IQCM: variants seen among roughly 807,000 people sequenced by gnomAD.
IQCM encodes the protein IQ domain-containing protein M.
IQCM carries 45 observed loss-of-function variants against 57.6 expected under a neutral mutation model. That is an observed-to-expected ratio of 0.78 (90% CI 0.62 to 1.00). The LOEUF is 1.00. Among genes scored for constraint, IQCM ranks in the 50% least tolerant of loss-of-function variants. The probability of loss-of-function intolerance (pLI) is 0.00; values close to 1 mark genes in which losing one functional copy is unlikely to be tolerated. For synonymous variants in IQCM, 148 were observed against 158.9 expected (o/e 0.93, Z 0.51); for missense variants, 468 against 511.6 (o/e 0.91, Z 0.82).
chr4:149,763,145 A>C (rs1283052207), intron 2 of IQCM, among the ~76,000 whole-genome samples: 1 of 151,940 alleles, frequency 6.6e-6, no homozygotes, highest in Non-Finnish European at 1.5e-5. Context: ...TACGGAACTC[A>C]TCATCATCAT....
At chr4:149,594,428 T>C (rs2150017337) in intron 8 of IQCM, among the ~76,000 whole-genome samples, 1 of 152,338 alleles carries the variant, frequency 6.6e-6, no homozygotes, top group South Asian at 2.1e-4. Flanking sequence ...CATTGATTTT[T>C]TGAAGGGCTT....
chr4:149,764,296 G>GA (rs1194199877), intron 2 of IQCM, among the ~76,000 whole-genome samples: 5 of 152,124 alleles, frequency 3.3e-5, no homozygotes, highest in Admixed American at 3.3e-4. Context: ...CCTCCCTAGG[G>GA]ATCTCATCAA....
At chr4:149,473,399 GA>G (rs1739806013) in intron 12 of IQCM, among the ~76,000 whole-genome samples, 1 of 152,160 alleles carries the variant, frequency 6.6e-6, no homozygotes, top group Non-Finnish European at 1.5e-5. Context: ...GGCCATCAGA[GA>G]AATGCATATC....
At position 149,548,578 on chromosome 4, in the gene IQCM, T is replaced by A; in HGVS notation, c.1105A>T (p.Met369Leu). The change falls in exon 12 of 14, where the codon ATG becomes TTG. Residue 369 changes from methionine to leucine, a missense_variant. By Grantham distance (15) the Met-to-Leu change is conservative. Coordinates refer to ENST00000636793, the MANE Select transcript of IQCM (RefSeq NM_001363507.2). ...WMDRKKFYEI[M>L]FAKREDWPKI... is the part of the protein sequence containing the mutation. ...GGCCAATCTTCCCTCTTAGCAAACA[T>A]TATTTCATAGACTAAAAGGACAAAA... 8.2e-7 allele frequency: 1 copy of A among 1,224,238 alleles called. No individual in the cohort carries two copies. Among genetic ancestry groups the A allele is most frequent in the Non-Finnish European group, 1.0e-6 (1 of 980,816 alleles). The allele number at this position is 1,224,238 out of a possible 1,614,324, so 75.8% of individuals were successfully genotyped here.
chr4:149,417,890 C>A (rs919713521), intron 13 of IQCM, among the ~76,000 whole-genome samples: 12 of 145,950 alleles, frequency 8.2e-5, no homozygotes, highest in African/African-American at 3.1e-4. Context: ...AGGAATTTAT[C>A]CACAGCAATT....
chr4:149,571,355 C>T (rs1041341627), intron 9 of IQCM, among the ~76,000 whole-genome samples: 1 of 152,000 alleles, frequency 6.6e-6, no homozygotes, highest in African/African-American at 2.4e-5. Flanking sequence ...ATGGATATAC[C>T]TGGAGGACAT....
At chr4:149,408,285 G>A (rs1733123601) in intron 13 of IQCM, among the ~76,000 whole-genome samples, 1 of 152,096 alleles carries the variant, frequency 6.6e-6, no homozygotes, top group Non-Finnish European at 1.5e-5. Context: ...GTATGAAATA[G>A]GTGATTATCA....
Position 149,699,926 on chromosome 4 carries a change from CT to C in IQCM, c.386-13459del, listed in dbSNP as rs754630108. Among the ~76,000 whole-genome samples, 222 of 152,012 alleles carry C rather than the reference CT, an allele frequency of 1.5e-3. 1 individual carries two copies. Among genetic ancestry groups the C allele is most frequent in the Admixed American group, 3.0e-3 (46 of 15,250 alleles). Reference sequence around the variant, plus strand: ...CTCTATCTCTTTCTCTTTCTTTTCCCTCTCTCTCCCTGCAGCGGAGGAGGGG... The same window carrying C: ...CTCTATCTCTTTCTCTTTCTTTTCCCCTCTCTCCCTGCAGCGGAGGAGGGG... On this transcript the variant is annotated intron_variant, in intron 5 of 13. Transcript: ENST00000636793.
intron 13 of IQCM, among the ~76,000 whole-genome samples, chr4:149,387,570 C>T (rs1168141822): frequency 6.6e-6 from 1 of 151,974 alleles, no homozygotes; most frequent in African/African-American, 2.4e-5. Context: ...TTTCTTTTAT[C>T]ATTCAAGGCT....
chr4:149,377,393 A>T (rs1219062611), intron 13 of IQCM, among the ~76,000 whole-genome samples: 2 of 152,116 alleles, frequency 1.3e-5, no homozygotes, highest in African/African-American at 2.4e-5. Flanking sequence ...TCTCATCTGG[A>T]ATGATGCTTG....
Position 149,485,026 on chromosome 4 carries a change from G to A in IQCM, c.1229-51469C>T, listed in dbSNP as rs1741319776. Among the ~76,000 whole-genome samples, 3 of 152,100 alleles carry A rather than the reference G, an allele frequency of 2.0e-5. No individual in the cohort carries two copies. The South Asian group carries it at 6.2e-4, about 32-fold the overall frequency. On this transcript the variant is annotated intron_variant, in intron 12 of 13. Coordinates refer to ENST00000636793, the MANE Select transcript of IQCM (RefSeq NM_001363507.2). ...TTTCTAACTTTAGCACTTTAAATAT[G>A]TCATGCCACTCTCTCCTGGCCTGTA...
At chr4:149,803,325 C>T (rs1773780982) in intron 2 of IQCM, among the ~76,000 whole-genome samples, 2 of 151,982 alleles carry the variant, frequency 1.3e-5, no homozygotes, top group Non-Finnish European at 1.5e-5. Context: ...CCACCATATG[C>T]ATATTACAAC....
chr4:149,792,012 A>C (rs1772669314), intron 2 of IQCM, among the ~76,000 whole-genome samples: 2 of 152,166 alleles, frequency 1.3e-5, no homozygotes, highest in Non-Finnish European at 2.9e-5. Flanking sequence ...AAACTGATGC[A>C]AATAGGATGG....
intron 2 of IQCM, among the ~76,000 whole-genome samples, chr4:149,772,624 A>C (rs1329285402): frequency 6.6e-6 from 1 of 152,242 alleles, no homozygotes; most frequent in Non-Finnish European, 1.5e-5. Flanking sequence ...TGGGCAGTAG[A>C]GAAACTAATT....
In IQCM at chr4:149,768,250, A is replaced by C. The variant is rs531444134; in HGVS notation, c.-48-25511T>G. 6.6e-5 allele frequency among the ~76,000 whole-genome samples: 10 copies of C among 152,274 alleles called. 1 individual carries two copies. The South Asian group carries it at 2.1e-3, about 32-fold the overall frequency. On this transcript the variant is annotated intron_variant, in intron 2 of 13. Coordinates refer to ENST00000636793, the MANE Select transcript of IQCM (RefSeq NM_001363507.2). ...AAGACATAATTTCAAAATCCTTCTGAAATTTGGACATTGGATTAACTGCAA... is the reference window on the plus strand; with the variant it reads ...AAGACATAATTTCAAAATCCTTCTGCAATTTGGACATTGGATTAACTGCAA...
At chr4:149,464,784 G>A (rs1340485995) in intron 12 of IQCM, among the ~76,000 whole-genome samples, 1 of 152,032 alleles carries the variant, frequency 6.6e-6, no homozygotes, top group Non-Finnish European at 1.5e-5. Flanking sequence ...ACTATCAACT[G>A]GTGCCTCTCA....
chr4:149,551,713 T>C (rs1345592963), intron 11 of IQCM, among the ~76,000 whole-genome samples: 1 of 65,314 alleles, frequency 1.5e-5, no homozygotes, highest in Non-Finnish European at 2.9e-5. Flanking sequence ...TATAAACTAC[T>C]ATTCATAAAA....
At chr4:149,435,319 G>A (rs1476673596) in intron 12 of IQCM, among the ~76,000 whole-genome samples, 1 of 152,006 alleles carries the variant, frequency 6.6e-6, no homozygotes, top group African/African-American at 2.4e-5. Context: ...TTTCAGTAAT[G>A]ATGGACCAGA....
At chr4:149,801,329 G>A (rs906436678) in intron 2 of IQCM, among the ~76,000 whole-genome samples, 1 of 152,018 alleles carries the variant, frequency 6.6e-6, no homozygotes, top group African/African-American at 2.4e-5. Flanking sequence ...AGAACAGTTT[G>A]GAGGTTCCTC....
Sources: gnomAD v4.1 joint callset for allele counts (sites outside exome capture counted in the v4.1 genomes callset) on GRCh38, gnomAD v4.1.1 for gene constraint, MANE v1.5 for transcripts, NCBI Gene and HGNC (gene_info 2026-07-23, HGNC 2026-07-21) for gene names.